Variants in COL5A2 observed in about 807,000 individuals in gnomAD.
COL5A2 encodes collagen alpha-2(V) chain.
COL5A2 carries 23 observed loss-of-function variants against 208.2 expected under a neutral mutation model. The ratio of observed to expected loss-of-function variants is 0.11; its 90% CI spans 0.08 to 0.16. The LOEUF is 0.16. Among genes scored for constraint, COL5A2 ranks in the 10% least tolerant of loss-of-function variants. The probability of loss-of-function intolerance (pLI) is 1.00; values close to 1 mark genes in which losing one functional copy is unlikely to be tolerated. For missense variants in COL5A2, 1,590 were observed against 1,956.4 expected (o/e 0.81, Z 3.53); for synonymous variants, 625 against 628.5 (o/e 0.99, Z 0.08).
At chr2:189,274,132 T>C in the COL5A2 span, among the ~76,000 whole-genome samples, 1 of 144,612 alleles carries the variant, frequency 6.9e-6, no homozygotes, top group Non-Finnish European at 1.5e-5. Context: ...ATTTTGTCAA[T>C]AAAAATATTT....
At position 189,099,601 on chromosome 2, in the gene COL5A2, G is replaced by A. The variant is rs113009516; in HGVS notation, c.369+506C>T. On this transcript the variant is annotated intron_variant, in intron 4 of 53. Transcript: ENST00000374866. ...GATTGTGCCACTGCACTCCAGCCTG[G>A]GTAACAGAGCGAGACTCTGTTTCAA... 1.3e-4 allele frequency among the ~76,000 whole-genome samples: 20 copies of A among 152,160 alleles called. 1 individual carries two copies. Among genetic ancestry groups the A allele is most frequent in the African/African-American group, 4.8e-4 (20 of 41,520 alleles).
chr2:189,436,988 C>T, the COL5A2 span, among the ~76,000 whole-genome samples: 1 of 151,810 alleles, frequency 6.6e-6, no homozygotes, highest in Admixed American at 6.6e-5. Context: ...GCACATCCTG[C>T]GCATGTACCC....
chr2:189,296,762 C>T, the COL5A2 span, among the ~76,000 whole-genome samples: 1 of 152,186 alleles, frequency 6.6e-6, no homozygotes, highest in Non-Finnish European at 1.5e-5. Context: ...AACTCTGTCC[C>T]TCTCAAAATA....
intron 1 of COL5A2, among the ~76,000 whole-genome samples, chr2:189,162,687 AT>A (rs1322271859): frequency 1.3e-5 from 2 of 152,192 alleles, no homozygotes; most frequent in Non-Finnish European, 2.9e-5. Flanking sequence ...ATATTATCAG[AT>A]TTTTAATCTG....
rs115836894 is a variant in COL5A2 at position 189,131,898 on chromosome 2, G to A, written c.98-21449C>T. On this transcript the variant is annotated intron_variant, in intron 1 of 53. Transcript: ENST00000374866. ...ATTATACGTGTAAATTAGTAATTAT[G>A]TATTTCTCATAAGAATACCTAAATA... is the stretch of plus-strand genomic sequence containing the variant. 7.5e-3 allele frequency among the ~76,000 whole-genome samples: 1,145 copies of A among 152,254 alleles called. 20 individuals carry two copies. The highest frequency in any genetic ancestry group is 0.026 in the African/African-American group (1,073 of 41,538).
At chr2:189,288,075 A>C in the COL5A2 span, among the ~76,000 whole-genome samples, 1 of 152,286 alleles carries the variant, frequency 6.6e-6, no homozygotes, top group Non-Finnish European at 1.5e-5. Flanking sequence ...ATCAGAAAAG[A>C]AAGTATGCCA....
At chr2:189,062,443 C>T (rs995289188) in intron 29 of COL5A2, among the ~76,000 whole-genome samples, 2 of 151,992 alleles carry the variant, frequency 1.3e-5, no homozygotes, top group Non-Finnish European at 2.9e-5. Context: ...CCTGGCCTCC[C>T]TAAGTGCTGG....
chr2:189,412,552 G>C, the COL5A2 span, among the ~76,000 whole-genome samples: 1 of 152,100 alleles, frequency 6.6e-6, no homozygotes, highest in Non-Finnish European at 1.5e-5. Flanking sequence ...GCCACCATGT[G>C]GTCTGTCTGT....
chr2:189,433,917 G>A, the COL5A2 span, among the ~76,000 whole-genome samples: 25,572 of 152,050 alleles, frequency 0.17, 2,270 homozygotes, highest in South Asian at 0.21. Context: ...GATGAACATC[G>A]ATGCAAAAAT....
intron 1 of COL5A2, among the ~76,000 whole-genome samples, chr2:189,177,843 CT>C (rs372946632): frequency 7.2e-5 from 11 of 152,084 alleles, no homozygotes; most frequent in African/African-American, 2.7e-4. Context: ...TTTCATGTAC[CT>C]TGTGAAACAG....
At position 189,063,058 on chromosome 2, in the gene COL5A2, G is replaced by A. The variant is rs1559085672; in HGVS notation, c.1875C>T (p.Asp625=). 6.2e-7 allele frequency: 1 copy of A among 1,614,102 alleles called. No homozygotes were observed. The highest frequency in any genetic ancestry group is 1.3e-5 in the African/African-American group (1 of 75,022). ...GLPGPKGSSG[D]PGKPGEAGNA... ...TTCCTGCTTCTCCAGGTTTCCCAGG[G>A]TCACCCTAAAGAATAAATGAAACTT... Residue 625 remains aspartate (D), a synonymous_variant, in exon 28 of 54, where the codon GAC becomes GAT. Transcript: ENST00000374866.
intron 35 of COL5A2, 110 bp downstream of exon 35, chr2:189,056,863 C>T (rs1685910617): frequency 2.9e-6 from 3 of 1,036,802 alleles, no homozygotes; most frequent in Admixed American, 3.4e-5. Context: ...TCTCCAACTC[C>T]TGACTACCAA....
At chr2:189,058,818 C>T in intron 32 of COL5A2, 31 bp downstream of exon 32, 1 of 1,603,918 alleles carries the variant, frequency 6.2e-7, no homozygotes, top group South Asian at 1.1e-5. Context: ...CAGTGGGAAA[C>T]AACATTAATC....
At chr2:189,383,479 T>C in the COL5A2 span, among the ~76,000 whole-genome samples, 14 of 152,174 alleles carry the variant, frequency 9.2e-5, no homozygotes, top group African/African-American at 3.1e-4. Flanking sequence ...CTTCAACGTA[T>C]GAATTAAGTA....
chr2:189,156,835 C>T lies in COL5A2; in HGVS notation c.97+22673G>A, dbSNP rs150756828. Reference sequence around the variant, plus strand: ...AAAATCCACTATTAATTCACACTAGCGAATATAATAAGCATATATAGTCTA... The same window carrying T: ...AAAATCCACTATTAATTCACACTAGTGAATATAATAAGCATATATAGTCTA... On this transcript the variant is annotated intron_variant, in intron 1 of 53. Coordinates refer to ENST00000374866, the MANE Select transcript of COL5A2 (RefSeq NM_000393.5). Among the ~76,000 whole-genome samples the T allele has an allele frequency of 4.6e-3, 697 of 151,872 alleles. 4 individuals are homozygous for T. Among genetic ancestry groups the T allele is most frequent in the African/African-American group, 0.016 (654 of 41,466 alleles).
At chr2:189,235,791 C>T in the COL5A2 span, among the ~76,000 whole-genome samples, 1 of 151,816 alleles carries the variant, frequency 6.6e-6, no homozygotes. Context: ...GCAGGCCATA[C>T]TGCTATCCCT....
the COL5A2 span, among the ~76,000 whole-genome samples, chr2:189,421,353 G>A: frequency 2.0e-5 from 3 of 151,996 alleles, no homozygotes; most frequent in African/African-American, 7.3e-5. Flanking sequence ...AACTATCCAC[G>A]CACGAAATTA....
chr2:189,119,000 T>C (rs1004944061), intron 1 of COL5A2, among the ~76,000 whole-genome samples: 1 of 152,106 alleles, frequency 6.6e-6, no homozygotes, highest in Admixed American at 6.6e-5. Flanking sequence ...ATCTTCATAT[T>C]TAGTTTATCC....
chr2:189,221,093 A>T (rs1417159692), intron 1 of COL5A2, among the ~76,000 whole-genome samples: 1 of 152,226 alleles, frequency 6.6e-6, no homozygotes, highest in African/African-American at 2.4e-5. Context: ...ATTGCAACTA[A>T]AAATACTATC....
Sources: gnomAD v4.1 joint callset for allele counts (sites outside exome capture counted in the v4.1 genomes callset) on GRCh38, gnomAD v4.1.1 for gene constraint, MANE v1.5 for transcripts, NCBI Gene and HGNC (gene_info 2026-07-23, HGNC 2026-07-21) for gene names.